Variants in EBI3 observed in about 807,000 individuals in gnomAD.
EBI3 encodes interleukin-27 subunit beta.
Under a neutral mutation model 21.3 loss-of-function variants are expected in EBI3, and 19 were observed. The observed-to-expected ratio is 0.89, with a 90% CI of 0.62 to 1.31. The LOEUF (loss-of-function observed/expected upper bound fraction) is 1.31. Ranked by LOEUF, EBI3 falls within the 50% of genes most tolerant of loss-of-function variation. The probability of loss-of-function intolerance (pLI) is 0.00; values close to 1 mark genes in which losing one functional copy is unlikely to be tolerated. For missense variants in EBI3, 331 were observed against 314.0 expected (o/e 1.05, Z -0.41); for synonymous variants, 154 against 131.2 (o/e 1.17, Z -1.19).
chr19:4,235,085 C>G (rs1970825311), intron 4 of EBI3, among the ~76,000 whole-genome samples: 1 of 152,164 alleles, frequency 6.6e-6, no homozygotes, highest in Admixed American at 6.6e-5. Context: ...GTGACACAAT[C>G]TCGGCTCACT....
intron 4 of EBI3, among the ~76,000 whole-genome samples, chr19:4,235,947 A>T (rs905003304): frequency 6.6e-6 from 1 of 151,952 alleles, no homozygotes; most frequent in Non-Finnish European, 1.5e-5. Flanking sequence ...TAAATTAAAT[A>T]AAATAAAAAG....
At chr19:4,234,595 TTGAA>T (rs1288293225) in intron 3 of EBI3, 68 bp from the exon 4 acceptor site, 3 of 1,552,376 alleles carry the variant, frequency 1.9e-6, no homozygotes, top group Non-Finnish European at 2.6e-6. Context: ...AATATGTTGG[TTGAA>T]TGAATGAGTG....
chr19:4,237,182 T>C lies in EBI3; in HGVS notation c.*94T>C, dbSNP rs1002328260. 2 of 1,371,924 alleles carry C rather than the reference T, an allele frequency of 1.5e-6. No individual in the cohort carries two copies. Among genetic ancestry groups the C allele is most frequent in the Admixed American group, 2.9e-5 (1 of 34,576 alleles). 85.0% of individuals were successfully genotyped at this position (1,371,924 alleles called of 1,614,324 possible). A position where few individuals can be genotyped will look rare whatever the true frequency, so the allele number is the denominator to read the frequency against. Reference sequence around the variant, plus strand: ...GAGGGCGGATGGGATCTGCCTAGCCTGGGCTGGAGTCCTTGCTTTGCTGCT... The same window carrying C: ...GAGGGCGGATGGGATCTGCCTAGCCCGGGCTGGAGTCCTTGCTTTGCTGCT... On this transcript the variant is annotated 3_prime_UTR_variant, in exon 5 of 5. Coordinates refer to ENST00000221847, the MANE Select transcript of EBI3 (RefSeq NM_005755.3).
chr19:4,233,119 C>A lies in EBI3; in HGVS notation c.201-10C>A. On this transcript the variant is annotated splice_polypyrimidine_tract_variant and intron_variant, in intron 2 of 4. Transcript: ENST00000221847. ...TCCCTGAGGCGCTCAGCGAGCCCCA[C>A]CCTGTGCAGGCTCGGCATGGCTGCC... 6.3e-7 allele frequency: 1 copy of A among 1,582,272 alleles called. No individual in the cohort carries two copies. The highest frequency in any genetic ancestry group is 8.5e-7 in the Non-Finnish European group (1 of 1,171,166).
rs374988258 is a variant in EBI3 at position 4,232,967 on chromosome 19, C to CGGGGG, written c.201-160_201-156dup. 1.8e-5 allele frequency: 14 copies of CGGGGG among 758,408 alleles called. No homozygotes were observed. The African/African-American group carries it at 2.0e-4, about 11-fold the overall frequency. 47.0% of individuals were successfully genotyped at this position (758,408 alleles called of 1,614,324 possible). On this transcript the variant is annotated intron_variant, in intron 2 of 4. Transcript: ENST00000221847. Reference sequence around the variant, plus strand: ...GATGTTGGGGCCCATGCCCTGCCCCCGGGGGGTGGCACGGCCACCACCAGG... The same window carrying CGGGGG: ...GATGTTGGGGCCCATGCCCTGCCCCCGGGGGGGGGGGTGGCACGGCCACCACCAGG...
At chr19:4,231,947 C>T (rs1312808161) in intron 2 of EBI3, among the ~76,000 whole-genome samples, 2 of 150,458 alleles carry the variant, frequency 1.3e-5, no homozygotes, top group Non-Finnish European at 3.0e-5. Flanking sequence ...CTGGGCATGG[C>T]CAGGCGCGGT....
intron 4 of EBI3, among the ~76,000 whole-genome samples, 186 bp from the exon 5 acceptor site, chr19:4,236,746 CACAG>C (rs1185653181): frequency 4.6e-5 from 7 of 152,000 alleles, no homozygotes; most frequent in Non-Finnish European, 8.8e-5. Context: ...CTGGGGGCCA[CACAG>C]ACAGAGGCCG....
Position 4,236,920 on chromosome 19 carries a change from C to T in EBI3, c.538-16C>T. 2 of 1,436,308 alleles carry T rather than the reference C, an allele frequency of 1.4e-6. No individual in the cohort carries two copies. The highest frequency in any genetic ancestry group is 1.9e-6 in the Non-Finnish European group (2 of 1,071,382). The allele number at this position is 1,436,308 out of a possible 1,614,324, so 89.0% of individuals were successfully genotyped here. A position where few individuals can be genotyped will look rare whatever the true frequency, so the allele number is the denominator to read the frequency against. On this transcript the variant is annotated splice_polypyrimidine_tract_variant and intron_variant, in intron 4 of 4. Coordinates refer to ENST00000221847, the MANE Select transcript of EBI3 (RefSeq NM_005755.3). ...ATCTTCTGGTTCTAGTGACCTGACG[C>T]TCTCTCTTCTCTCAGGTGGGGCCCA...
In EBI3 at chr19:4,237,349, T is replaced by A. The variant is rs1306992433; in HGVS notation, c.*261T>A. On this transcript the variant is annotated 3_prime_UTR_variant, in exon 5 of 5. Transcript: ENST00000221847. ...GGCTGACTGAACTGTCACTGTGAGA[T>A]ATTTTTTATTGTTTAATTAGAAAAG... 3.3e-5 allele frequency: 10 copies of A among 304,402 alleles called. No individual in the cohort carries two copies. The allele number at this position is 304,402 out of a possible 1,614,324, so 18.9% of individuals were successfully genotyped here.
At chr19:4,231,072 T>G in intron 1 of EBI3, 119 bp from the exon 2 acceptor site, 13 of 1,342,230 alleles carry the variant, frequency 9.7e-6, no homozygotes, top group Non-Finnish European at 1.3e-5. Context: ...CCGAAAGCCT[T>G]TATTAGGCAC....
At position 4,236,889 on chromosome 19, in the gene EBI3, CT is replaced by C; in HGVS notation, c.538-46del. On this transcript the variant is annotated intron_variant, in intron 4 of 4. Transcript: ENST00000221847. Reference sequence around the variant, plus strand: ...TGTGTGGTTCTGTGCACAGTGGCCCCTCTCCATCTTCTGGTTCTAGTGACCT... The same window carrying C: ...TGTGTGGTTCTGTGCACAGTGGCCCCCTCCATCTTCTGGTTCTAGTGACCT... 3 of 1,466,650 alleles carry C rather than the reference CT, an allele frequency of 2.0e-6. No individual in the cohort carries two copies. In the South Asian group the frequency reaches 4.3e-5, roughly 21 times the overall value. 90.9% of individuals were successfully genotyped at this position (1,466,650 alleles called of 1,614,324 possible).
In EBI3 at chr19:4,237,281, A is replaced by T; in HGVS notation, c.*193A>T. On this transcript the variant is annotated 3_prime_UTR_variant, in exon 5 of 5. Transcript: ENST00000221847. ...CAGTTTCTCTAGCTGAGAAATGGAG[A>T]TGTACTACTCTCTCCTTTACCTTTA... 1 of 547,074 alleles carries T rather than the reference A, an allele frequency of 1.8e-6. No individual in the cohort carries two copies. 33.9% of individuals were successfully genotyped at this position (547,074 alleles called of 1,614,324 possible).
Position 4,231,228 on chromosome 19 carries a change from C to A in EBI3, c.105C>A (p.Cys35Ter). Residue 35 changes from cysteine to a stop codon, truncating the protein, a stop_gained, in exon 2 of 5, where the codon TGC becomes TGA. Coordinates refer to ENST00000221847, the MANE Select transcript of EBI3 (RefSeq NM_005755.3). LOFTEE classifies it high-confidence loss of function. Reference sequence around the variant, plus strand: ...CTCTGACACTGCCCCGGGTGCAATGCCGAGCCTCTCGGTACCCGATCGCCG... The same window carrying A: ...CTCTGACACTGCCCCGGGTGCAATGACGAGCCTCTCGGTACCCGATCGCCG... The part of the protein sequence containing the change: ...PAALTLPRVQ[C>*]RASRYPIAVD... 6.2e-7 allele frequency: 1 copy of A among 1,610,662 alleles called. No individual in the cohort carries two copies. The highest frequency in any genetic ancestry group is 8.5e-7 in the Non-Finnish European group (1 of 1,178,964).
At chr19:4,232,332 A>G (rs997924268) in intron 2 of EBI3, among the ~76,000 whole-genome samples, 3 of 151,894 alleles carry the variant, frequency 2.0e-5, no homozygotes, top group African/African-American at 4.8e-5. Context: ...CTGTAGTCCC[A>G]GCTACTCTGG....
chr19:4,235,165 C>T (rs559774347), intron 4 of EBI3, among the ~76,000 whole-genome samples: 4 of 151,866 alleles, frequency 2.6e-5, no homozygotes, highest in East Asian at 1.9e-4. Context: ...ATTACGGGCA[C>T]GTGCCACTAT....
In EBI3 at chr19:4,234,725, G is replaced by A; in HGVS notation, c.438G>A (p.Gln146=). Reference sequence around the variant, plus strand: ...GCCCCCTCGCTGAGCGCCAGCTACAGGTGCAGTGGGAGCCTCCCGGGTCCT... The same window carrying A: ...GCCCCCTCGCTGAGCGCCAGCTACAAGTGCAGTGGGAGCCTCCCGGGTCCT... ...RLSPLAERQL[Q]VQWEPPGSWP... The change falls in exon 4 of 5, where the codon CAG becomes CAA. Residue 146 remains glutamine, a synonymous_variant. Coordinates refer to ENST00000221847, the MANE Select transcript of EBI3 (RefSeq NM_005755.3). 4 of 1,614,168 alleles carry A rather than the reference G, an allele frequency of 2.5e-6. No individual in the cohort carries two copies. Among genetic ancestry groups the A allele is most frequent in the Non-Finnish European group, 3.4e-6 (4 of 1,180,036 alleles).
Position 4,234,930 on chromosome 19 carries a change from C to T in EBI3, c.537+106C>T, listed in dbSNP as rs1381038505. On this transcript the variant is annotated intron_variant, in intron 4 of 4. Transcript: ENST00000221847. ...GGCTCTTGCACATAGCTTGCGATTC[C>T]GGGTGCATTGAATAAGAGCAGTCCA... 22 of 1,493,344 alleles carry T rather than the reference C, an allele frequency of 1.5e-5. No individual in the cohort carries two copies. In the Middle Eastern group the frequency reaches 7.4e-4, roughly 50 times the overall value. The allele number at this position is 1,493,344 out of a possible 1,614,324, so 92.5% of individuals were successfully genotyped here.
rs774190646 is a variant in EBI3 at position 4,237,198 on chromosome 19, C to T, written c.*110C>T. ...TGCCTAGCCTGGGCTGGAGTCCTTGCTTTGCTGCTGCTGAGCTGCCGGGCA... is the reference window on the plus strand; with the variant it reads ...TGCCTAGCCTGGGCTGGAGTCCTTGTTTTGCTGCTGCTGAGCTGCCGGGCA... On this transcript the variant is annotated 3_prime_UTR_variant, in exon 5 of 5. Transcript: ENST00000221847. The T allele has an allele frequency of 3.3e-5, 44 of 1,328,386 alleles. No individual in the cohort carries two copies. The highest frequency in any genetic ancestry group is 4.2e-5 in the Non-Finnish European group (43 of 1,023,640). 82.3% of individuals were successfully genotyped at this position (1,328,386 alleles called of 1,614,324 possible). A position where few individuals can be genotyped will look rare whatever the true frequency, so the allele number is the denominator to read the frequency against.
In EBI3 at chr19:4,237,100, C is replaced by T. The variant is rs748926872; in HGVS notation, c.*12C>T. On this transcript the variant is annotated 3_prime_UTR_variant, in exon 5 of 5. Transcript: ENST00000221847. ...GCCTGGGCAAGTAGCAAGGGCTTCC[C>T]GCTGCCTCCAGACAGCACCTGGGTC... 1.1e-5 allele frequency: 17 copies of T among 1,499,650 alleles called. No homozygotes were observed. The highest frequency in any genetic ancestry group is 2.6e-5 in the East Asian group (1 of 39,212). 92.9% of individuals were successfully genotyped at this position (1,499,650 alleles called of 1,614,324 possible). A position where few individuals can be genotyped will look rare whatever the true frequency, so the allele number is the denominator to read the frequency against.
Sources: gnomAD v4.1 joint callset for allele counts (sites outside exome capture counted in the v4.1 genomes callset) on GRCh38, gnomAD v4.1.1 for gene constraint, MANE v1.5 for transcripts, NCBI Gene and HGNC (gene_info 2026-07-23, HGNC 2026-07-21) for gene names.